Variants in NME7 observed in about 807,000 individuals in gnomAD.
The protein encoded by NME7 is NME/NM23 family member 7.
Under a neutral mutation model 49.1 loss-of-function variants are expected in NME7, and 41 were observed. The ratio of observed to expected loss-of-function variants is 0.83; its 90% CI spans 0.65 to 1.08. The LOEUF (loss-of-function observed/expected upper bound fraction) is 1.08, where lower values mean the gene tolerates loss of function less well. NME7 is among the 50% of genes least tolerant of loss of function. NME7 has a pLI of 0.00. For missense variants in NME7, 423 were observed against 463.4 expected (o/e 0.91, Z 0.80); for synonymous variants, 139 against 150.6 (o/e 0.92, Z 0.56).
At chr1:169,288,204 TA>T (rs1650354075) in intron 6 of NME7, among the ~76,000 whole-genome samples, 2 of 152,286 alleles carry the variant, frequency 1.3e-5, no homozygotes, top group Admixed American at 1.3e-4. Context: ...AAGTTATGGT[TA>T]TTTGGGTACT....
rs1327587874 is a variant in NME7, at chr1:169,270,160, CTT to C, written c.754+17141_754+17142del. ...TGCTCAGATAAAACTTTAAAACAAT[CTT>C]AACTCATTTTACTGATGAAACTAAA... is the stretch of plus-strand genomic sequence containing the variant. On this transcript the variant is annotated intron_variant, in intron 7 of 11. Coordinates refer to ENST00000367811, the MANE Select transcript of NME7 (RefSeq NM_013330.5). Among the ~76,000 whole-genome samples, 24 of 134,504 alleles carry C rather than the reference CTT, an allele frequency of 1.8e-4. 5 individuals are homozygous for C. Among genetic ancestry groups the C allele is most frequent in the Non-Finnish European group, 3.7e-4 (21 of 57,192 alleles). 88.2% of individuals were successfully genotyped at this position (134,504 alleles called of 152,430 possible).
chr1:169,251,710 C>T (rs1384920168), intron 7 of NME7, among the ~76,000 whole-genome samples: 1 of 105,716 alleles, frequency 9.5e-6, no homozygotes, highest in African/African-American at 3.5e-5. Flanking sequence ...TCCCTCCCCC[C>T]TCCCCCCACC....
At chr1:169,228,633 C>A (rs920305067) in intron 10 of NME7, among the ~76,000 whole-genome samples, 1 of 147,778 alleles carries the variant, frequency 6.8e-6, no homozygotes, top group Non-Finnish European at 1.5e-5. Context: ...GCCGAGATTG[C>A]GCCACTGCAG....
At chr1:169,207,190 A>G (rs545330873) in intron 10 of NME7, among the ~76,000 whole-genome samples, 1 of 152,228 alleles carries the variant, frequency 6.6e-6, no homozygotes, top group African/African-American at 2.4e-5. Flanking sequence ...TAAGGGTGGA[A>G]GCAAGAGGAA....
intron 7 of NME7, among the ~76,000 whole-genome samples, chr1:169,260,275 C>G (rs1441189069): frequency 7.5e-6 from 1 of 132,840 alleles, no homozygotes; most frequent in African/African-American, 2.5e-5. Context: ...TTTTTCATGT[C>G]AACTCCTCCC....
chr1:169,179,111 G>A (rs909764566), intron 10 of NME7, among the ~76,000 whole-genome samples: 3 of 152,048 alleles, frequency 2.0e-5, no homozygotes, highest in South Asian at 2.1e-4. Context: ...ATGAGCCACC[G>A]CACCTGGCCT....
intron 10 of NME7, among the ~76,000 whole-genome samples, chr1:169,225,269 T>C (rs1324378114): frequency 1.3e-5 from 2 of 152,146 alleles, no homozygotes; most frequent in Non-Finnish European, 2.9e-5. Flanking sequence ...CCACCATGCC[T>C]GGCTAATTTT....
chr1:169,333,544 A>T (rs895246726), intron 1 of NME7, among the ~76,000 whole-genome samples: 9 of 128,282 alleles, frequency 7.0e-5, no homozygotes, highest in Admixed American at 5.3e-4. Context: ...GGGACAGAGC[A>T]CATTCACCAT....
chr1:169,295,536 T>G (rs1431271110), intron 6 of NME7, among the ~76,000 whole-genome samples: 2 of 152,178 alleles, frequency 1.3e-5, no homozygotes, highest in African/African-American at 4.8e-5. Context: ...ACAATAAATG[T>G]CTACTACTAA....
At chr1:169,281,264 G>C (rs570192190) in intron 7 of NME7, among the ~76,000 whole-genome samples, 1 of 152,080 alleles carries the variant, frequency 6.6e-6, no homozygotes, top group African/African-American at 2.4e-5. Context: ...GTCCATTATT[G>C]GTGTGTAAGA....
Position 169,303,159 on chromosome 1 carries a change from T to C in NME7, c.426A>G (p.Ser142=), listed in dbSNP as rs200126131. The C allele has an allele frequency of 1.4e-4, 214 of 1,571,292 alleles. 4 individuals carry two copies. Among genetic ancestry groups the C allele is most frequent in the Admixed American group, 5.0e-4 (28 of 55,960 alleles). ...EALDFHVDHQ[S]RPFFNELIQF... ...TAAGGACCTACTTGAAAAAGGGTCT[T>C]GACTGGTGATCTACATGAAAATCCA... Residue 142 remains serine (S), a synonymous_variant, in exon 5 of 12, where the codon TCA becomes TCG. Transcript: ENST00000367811.
chr1:169,291,398 A>G (rs1042827332), intron 6 of NME7, among the ~76,000 whole-genome samples: 6 of 152,122 alleles, frequency 3.9e-5, no homozygotes, highest in African/African-American at 1.2e-4. Context: ...TTCTCAGCAA[A>G]CTAACACAGG....
chr1:169,167,594 C>T (rs1306787066), intron 11 of NME7, among the ~76,000 whole-genome samples: 1 of 152,074 alleles, frequency 6.6e-6, no homozygotes, highest in Non-Finnish European at 1.5e-5. Context: ...TAACCCTAAA[C>T]TGGACCCATT....
chr1:169,320,611 AT>A (rs1290582853), intron 3 of NME7, among the ~76,000 whole-genome samples: 2 of 152,202 alleles, frequency 1.3e-5, no homozygotes, highest in African/African-American at 4.8e-5. Context: ...TGCCATTTAA[AT>A]AAAACAATAA....
At chr1:169,193,476 G>C (rs911051851) in intron 10 of NME7, among the ~76,000 whole-genome samples, 1 of 152,178 alleles carries the variant, frequency 6.6e-6, no homozygotes, top group Non-Finnish European at 1.5e-5. Flanking sequence ...AAGGTGGCAG[G>C]CTCTTTCATG....
intron 1 of NME7, among the ~76,000 whole-genome samples, chr1:169,355,301 ATATAATATATTGTATATTAT>A (rs1371884420): frequency 2.8e-5 from 3 of 106,668 alleles, no homozygotes; most frequent in African/African-American, 1.1e-4. Context: ...TGTATATTAT[ATATAATATATTGTATATTAT>A]ATATAATATA....
At chr1:169,332,171 T>A (rs986349014) in intron 1 of NME7, among the ~76,000 whole-genome samples, 2 of 152,014 alleles carry the variant, frequency 1.3e-5, no homozygotes, top group African/African-American at 4.8e-5. Context: ...TCCACACACC[T>A]ACAGCGAACC....
intron 10 of NME7, among the ~76,000 whole-genome samples, chr1:169,172,473 G>T (rs1414862335): frequency 6.6e-6 from 1 of 152,118 alleles, no homozygotes; most frequent in Non-Finnish European, 1.5e-5. Context: ...TAAGCAAGGG[G>T]ATGATGGGCA....
intron 1 of NME7, among the ~76,000 whole-genome samples, chr1:169,336,129 C>T (rs867979960): frequency 5.3e-5 from 8 of 151,790 alleles, no homozygotes; most frequent in East Asian, 1.9e-4. Context: ...CAGACCTTTG[C>T]GGTGAGTGTT....
Sources: gnomAD v4.1 joint callset for allele counts (sites outside exome capture counted in the v4.1 genomes callset) on GRCh38, gnomAD v4.1.1 for gene constraint, MANE v1.5 for transcripts, NCBI Gene and HGNC (gene_info 2026-07-23, HGNC 2026-07-21) for gene names.